GLIS3: variants seen among roughly 807,000 people sequenced by gnomAD.
GLIS3 encodes zinc finger protein GLIS3.
A neutral mutation model predicts 78.6 loss-of-function variants in GLIS3; 53 were observed. That is an observed-to-expected ratio of 0.67 (90% CI 0.54 to 0.85). The LOEUF is 0.85. GLIS3 is among the 40% of genes least tolerant of loss of function. The pLI is 0.00. For missense variants in GLIS3, 1,703 were observed against 1,231.1 expected, an observed-to-expected ratio of 1.38 and a Z score of -5.74; for synonymous variants, 684 against 509.9, an observed-to-expected ratio of 1.34 and a Z score of -4.60.
intron 2 of GLIS3, among the ~76,000 whole-genome samples, chr9:4,253,670 C>T (rs946599086): frequency 6.6e-6 from 1 of 152,224 alleles, no homozygotes; most frequent in African/African-American, 2.4e-5. Context: ...AAAACTCCTG[C>T]AGCTAGCTGG....
the GLIS3 span, among the ~76,000 whole-genome samples, chr9:4,476,465 G>C: frequency 1.4e-4 from 21 of 152,096 alleles, no homozygotes; most frequent in Admixed American, 1.1e-3. Context: ...GGGTTCAAGC[G>C]ATCCTCCTGC....
chr9:4,002,622 A>G (rs1054933135), intron 4 of GLIS3, among the ~76,000 whole-genome samples: 1 of 152,164 alleles, frequency 6.6e-6, no homozygotes, highest in African/African-American at 2.4e-5. Context: ...TTGGTCACCT[A>G]AAGTCATTCC....
At chr9:4,049,166 T>C (rs1467699897) in intron 4 of GLIS3, among the ~76,000 whole-genome samples, 3 of 152,158 alleles carry the variant, frequency 2.0e-5, no homozygotes, top group East Asian at 1.9e-4. Context: ...TGCACCTGGA[T>C]AGGAACTACT....
At chr9:4,285,876 C>T (rs1827942872) in intron 2 of GLIS3, 162 bp downstream of exon 2, 7 of 823,252 alleles carry the variant, frequency 8.5e-6, no homozygotes, top group Middle Eastern at 2.2e-4. Flanking sequence ...AACACATACA[C>T]ACCCATTCCC....
the GLIS3 span, among the ~76,000 whole-genome samples, chr9:4,440,171 C>T: frequency 1.3e-5 from 2 of 152,144 alleles, no homozygotes; most frequent in Non-Finnish European, 2.9e-5. Context: ...TGTTTCTTTG[C>T]TGTGCAGAAG....
chr9:3,872,427 G>T (rs1195744493), intron 8 of GLIS3, among the ~76,000 whole-genome samples: 1 of 152,150 alleles, frequency 6.6e-6, no homozygotes, highest in African/African-American at 2.4e-5. Context: ...CCAAGACTGG[G>T]CAATTTACAA....
the GLIS3 span, among the ~76,000 whole-genome samples, chr9:4,407,020 A>C: frequency 6.6e-6 from 1 of 152,234 alleles, no homozygotes; most frequent in Non-Finnish European, 1.5e-5. Flanking sequence ...AACTGGAAGA[A>C]TCACATTACC....
chr9:4,330,387 G>T (rs185401886), intron 2 of GLIS3, among the ~76,000 whole-genome samples: 3 of 152,356 alleles, frequency 2.0e-5, no homozygotes, highest in Non-Finnish European at 4.4e-5. Flanking sequence ...AACCTTTCCA[G>T]GTATTGCTGA....
At chr9:4,302,456 T>G (rs1817114138), upstream of GLIS3, among the ~76,000 whole-genome samples, 1 of 152,208 alleles carries the variant, frequency 6.6e-6, no homozygotes, top group Admixed American at 6.5e-5. Context: ...ACTAAAGGAA[T>G]TAACACTTGT....
chr9:4,397,286 A>G, the GLIS3 span, among the ~76,000 whole-genome samples: 1 of 150,564 alleles, frequency 6.6e-6, no homozygotes, highest in African/African-American at 2.5e-5. Context: ...CGGCCTCCCA[A>G]AGTGCTGGGA....
the GLIS3 span, among the ~76,000 whole-genome samples, chr9:4,443,278 A>C: frequency 4.6e-5 from 7 of 152,274 alleles, no homozygotes; most frequent in African/African-American, 1.7e-4. Context: ...TTGTTTGTTC[A>C]TTTCTGATAA....
At chr9:4,242,192 T>G (rs1823383097) in intron 2 of GLIS3, among the ~76,000 whole-genome samples, 1 of 152,010 alleles carries the variant, frequency 6.6e-6, no homozygotes, top group Admixed American at 6.6e-5. Flanking sequence ...ATGAAACAGC[T>G]CCCACCTTGG....
chr9:4,357,573 G>GTC, the GLIS3 span, among the ~76,000 whole-genome samples: 1 of 151,802 alleles, frequency 6.6e-6, no homozygotes, highest in Non-Finnish European at 1.5e-5. Context: ...GTGTGTGTGT[G>GTC]TGTGTGTGTG....
intron 2 of GLIS3, among the ~76,000 whole-genome samples, chr9:4,176,332 G>A (rs183551370): frequency 7.5e-4 from 114 of 152,222 alleles, no homozygotes; most frequent in Non-Finnish European, 1.3e-3. Context: ...AGTGTTTTAG[G>A]CTATTTCTCT....
At chr9:4,014,452 G>A (rs1317202266) in intron 4 of GLIS3, among the ~76,000 whole-genome samples, 1 of 152,172 alleles carries the variant, frequency 6.6e-6, no homozygotes, top group Non-Finnish European at 1.5e-5. Flanking sequence ...AATGCAAAAT[G>A]AATGGTGTTT....
At chr9:4,311,473 C>G (rs955653232) in intron 2 of GLIS3, among the ~76,000 whole-genome samples, 12 of 152,184 alleles carry the variant, frequency 7.9e-5, no homozygotes, top group Non-Finnish European at 1.6e-4. Context: ...AGACCTTACT[C>G]TGAGAAGCAG....
the GLIS3 span, among the ~76,000 whole-genome samples, chr9:4,359,414 G>A: frequency 3.3e-5 from 5 of 152,162 alleles, no homozygotes; most frequent in Admixed American, 3.3e-4. Context: ...GAGCAGGACA[G>A]GCTTCTGCAT....
intron 1 of GLIS3, among the ~76,000 whole-genome samples, chr9:4,293,368 T>C (rs141314803): frequency 6.6e-6 from 1 of 152,256 alleles, no homozygotes; most frequent in Non-Finnish European, 1.5e-5. Context: ...AAGTGACCGA[T>C]GTAACTATTT....
chr9:4,270,626 T>A (rs926935547), intron 2 of GLIS3, among the ~76,000 whole-genome samples: 1 of 152,208 alleles, frequency 6.6e-6, no homozygotes, highest in African/African-American at 2.4e-5. Flanking sequence ...GCTTGCTTCA[T>A]GAAGCACACA....
Sources: allele counts gnomAD v4.1 joint callset (sites outside exome capture counted in the v4.1 genomes callset), GRCh38; gene constraint gnomAD v4.1.1; transcripts MANE v1.5; gene names NCBI Gene and HGNC (gene_info 2026-07-23, HGNC 2026-07-21).